SUPT5H: variants seen among roughly 807,000 people sequenced by gnomAD.
The protein encoded by SUPT5H is transcription elongation factor SPT5.
Under a neutral mutation model 142.5 loss-of-function variants are expected in SUPT5H, and 24 were observed. The ratio of observed to expected loss-of-function variants is 0.17; its 90% confidence interval spans 0.12 to 0.24. The LOEUF (loss-of-function observed/expected upper bound fraction) is 0.24, where lower values mean the gene tolerates loss of function less well. Ranked by LOEUF, SUPT5H falls within the 10% of genes least tolerant of loss-of-function variation. SUPT5H has a pLI of 1.00. For synonymous variants in SUPT5H, 546 were observed against 553.0 expected, an observed-to-expected ratio of 0.99 and a Z score of 0.18; for missense variants, 893 against 1,471.8, an observed-to-expected ratio of 0.61 and a Z score of 6.43.
chr19:39,474,815 T>G lies in SUPT5H; in HGVS notation c.3024+97T>G, dbSNP rs1398647534. The G allele has an allele frequency of 3.7e-6, 5 of 1,343,744 alleles. No individual in the cohort carries two copies. The East Asian group carries it at 1.0e-4, about 27-fold the overall frequency. The allele number at this position is 1,343,744 out of a possible 1,614,324, so 83.2% of individuals were successfully genotyped here. A position where few individuals can be genotyped will look rare whatever the true frequency, so the allele number is the denominator to read the frequency against. On this transcript the variant is annotated intron_variant, in intron 28 of 29. Coordinates refer to ENST00000432763, the MANE Select transcript of SUPT5H (RefSeq NM_001111020.3). The surrounding 1 kb of genome is among the most constrained non-coding windows in gnomAD (Gnocchi z 6.5). ...GTCCCCAGATGGTGACAGCCCAGAG[T>G]GGGCAGAGCTGGGATTGAGGAAGCC...
chr19:39,460,036 G>T, intron 10 of SUPT5H, 76 bp downstream of exon 10: 1 of 1,493,440 alleles, frequency 6.7e-7, no homozygotes, highest in Non-Finnish European at 9.3e-7. Context: ...AACTTCAGGG[G>T]TACCAGGTGC....
At chr19:39,449,456 T>C (rs918015100) in intron 2 of SUPT5H, among the ~76,000 whole-genome samples, 3 of 152,172 alleles carry the variant, frequency 2.0e-5, no homozygotes, top group African/African-American at 7.2e-5. Context: ...CTTCTGTGCT[T>C]GGCCTTGGGC....
chr19:39,468,720 C>A (rs1307364260), intron 13 of SUPT5H, 36 bp from the exon 14 acceptor site: 3 of 1,589,748 alleles, frequency 1.9e-6, no homozygotes, highest in Non-Finnish European at 2.6e-6. Context: ...CTTCTTGACT[C>A]TCCCTTCTAA....
chr19:39,471,419 C>T lies in SUPT5H; in HGVS notation c.1740C>T (p.Asp580=). 1 of 1,614,232 alleles carries T rather than the reference C, an allele frequency of 6.2e-7. No individual in the cohort carries two copies. The highest frequency in any genetic ancestry group is 8.5e-7 in the Non-Finnish European group (1 of 1,180,038). The change falls in exon 19 of 30, where the codon GAC becomes GAT. Residue 580 remains aspartate, a synonymous_variant. Transcript: ENST00000432763. ...VRHQAVTRKK[D]NRFAVALDSE... ...ATCAGGCTGTGACCCGGAAGAAGGA[C>T]AACCGCTTTGCTGTGGCCTTGGACT...
At chr19:39,463,890 T>C (rs2146106119) in intron 10 of SUPT5H, among the ~76,000 whole-genome samples, 1 of 152,342 alleles carries the variant, frequency 6.6e-6, no homozygotes, top group East Asian at 1.9e-4. Flanking sequence ...TTTTTATTGT[T>C]ACAAAATGTT....
Position 39,470,033 on chromosome 19 carries a change from A to G in SUPT5H, c.1375-86A>G, listed in dbSNP as rs1282373731. The G allele has an allele frequency of 1.4e-5, 22 of 1,525,156 alleles. No homozygotes were observed. The highest frequency in any genetic ancestry group is 1.8e-5 in the Non-Finnish European group (20 of 1,122,658). 94.5% of individuals were successfully genotyped at this position (1,525,156 alleles called of 1,614,324 possible). A position where few individuals can be genotyped will look rare whatever the true frequency, so the allele number is the denominator to read the frequency against. Reference sequence around the variant, plus strand: ...AGCCTGAAGTGGGGTTTTTGAGAACATGCGTAGATTCTGAAGACAGGAGGG... The same window carrying G: ...AGCCTGAAGTGGGGTTTTTGAGAACGTGCGTAGATTCTGAAGACAGGAGGG... On this transcript the variant is annotated intron_variant, in intron 16 of 29. Transcript: ENST00000432763. The surrounding 1 kb of genome is among the most constrained non-coding windows in gnomAD (Gnocchi z 5.8).
rs2079135105 is a variant in SUPT5H at position 39,459,609 on chromosome 19, G to A, written c.555+20G>A. ...TGTAAGGTATGTGCTCTGATCTCGG[G>A]GCTTGGAGGAGGTGGGAGAATGAGG... is the stretch of plus-strand genomic sequence containing the variant. On this transcript the variant is annotated intron_variant, in intron 9 of 29. Coordinates refer to ENST00000432763, the MANE Select transcript of SUPT5H (RefSeq NM_001111020.3). 10 of 1,613,666 alleles carry A rather than the reference G, an allele frequency of 6.2e-6. No homozygotes were observed. Among genetic ancestry groups the A allele is most frequent in the Non-Finnish European group, 7.6e-6 (9 of 1,179,848 alleles).
chr19:39,461,845 A>G (rs2079167437), intron 10 of SUPT5H, among the ~76,000 whole-genome samples: 2 of 149,638 alleles, frequency 1.3e-5, no homozygotes. Context: ...AAAAAATAAT[A>G]ATAATAATAA....
At position 39,474,987 on chromosome 19, in the gene SUPT5H, G is replaced by A. The variant is rs2079381969; in HGVS notation, c.3024+269G>A. 1.9e-6 allele frequency: 1 copy of A among 538,850 alleles called. No homozygotes were observed. The highest frequency in any genetic ancestry group is 3.3e-6 in the Non-Finnish European group (1 of 298,890). The allele number at this position is 538,850 out of a possible 1,614,324, so 33.4% of individuals were successfully genotyped here. On this transcript the variant is annotated intron_variant, in intron 28 of 29. Coordinates refer to ENST00000432763, the MANE Select transcript of SUPT5H (RefSeq NM_001111020.3). The surrounding 1 kb of genome is among the most constrained non-coding windows in gnomAD (Gnocchi z 6.5). ...AAGCTAAGGAAAGTGACTGGGGTGA[G>A]TGAGTTCCAAATGGAGGGAACTGCA...
At chr19:39,471,971 C>T in intron 20 of SUPT5H, 1 of 578,952 alleles carries the variant, frequency 1.7e-6, no homozygotes, top group Non-Finnish European at 2.9e-6. Flanking sequence ...ACTGGAGAAC[C>T]AGTGGTGAAC....
In SUPT5H at chr19:39,448,951, G is replaced by A. The variant is rs1284305761; in HGVS notation, c.75+2986G>A. The stretch of plus-strand genomic sequence containing the variant: ...TCTACTAAAAATACAAAAAATTAGC[G>A]TGGTGGTGGGTGCCTGTAGTCCCTG... On this transcript the variant is annotated intron_variant, in intron 2 of 29. Coordinates refer to ENST00000432763, the MANE Select transcript of SUPT5H (RefSeq NM_001111020.3). Among the ~76,000 whole-genome samples, 10 of 119,220 alleles carry A rather than the reference G, an allele frequency of 8.4e-5. 4 individuals carry two copies. In the South Asian group the frequency reaches 1.8e-3, roughly 21 times the overall value. 78.2% of individuals were successfully genotyped at this position (119,220 alleles called of 152,430 possible).
At position 39,474,723 on chromosome 19, in the gene SUPT5H, G is replaced by A. The variant is rs2079377586; in HGVS notation, c.3024+5G>A. On this transcript the variant is annotated splice_donor_5th_base_variant and intron_variant, in intron 28 of 29. Transcript: ENST00000432763. The surrounding 1 kb of genome is among the most constrained non-coding windows in gnomAD (Gnocchi z 6.5). Reference sequence around the variant, plus strand: ...GGTGTCATCCGCAGTGTCACGGTACGTGGGGCCCAGGGTGGTGGGTGAGCA... The same window carrying A: ...GGTGTCATCCGCAGTGTCACGGTACATGGGGCCCAGGGTGGTGGGTGAGCA... The A allele has an allele frequency of 1.2e-6, 2 of 1,605,924 alleles. No individual in the cohort carries two copies. The highest frequency in any genetic ancestry group is 1.3e-5 in the African/African-American group (1 of 74,634).
chr19:39,455,682 G>T (rs1045884234), intron 3 of SUPT5H, among the ~76,000 whole-genome samples: 2 of 150,720 alleles, frequency 1.3e-5, no homozygotes, highest in African/African-American at 2.4e-5. Context: ...GGGTGCAGTG[G>T]TGCAATCTCA....
chr19:39,474,765 TACCCCCTAA>T lies in SUPT5H; in HGVS notation c.3024+50_3024+58del, dbSNP rs930632229. 7.7e-6 allele frequency: 12 copies of T among 1,556,428 alleles called. No homozygotes were observed. Among genetic ancestry groups the T allele is most frequent in the African/African-American group, 1.4e-5 (1 of 73,330 alleles). Reference sequence around the variant, plus strand: ...GGGTGAGCAGGCATCCTCTCCTTGGTACCCCCTAAACTGGAGACAGACCTGTCCCCAGAT... The same window carrying T: ...GGGTGAGCAGGCATCCTCTCCTTGGTACTGGAGACAGACCTGTCCCCAGAT... On this transcript the variant is annotated intron_variant, in intron 28 of 29. Coordinates refer to ENST00000432763, the MANE Select transcript of SUPT5H (RefSeq NM_001111020.3). The surrounding 1 kb of genome is among the most constrained non-coding windows in gnomAD (Gnocchi z 6.5).
At chr19:39,459,835 T>C in intron 9 of SUPT5H, 57 bp from the exon 10 acceptor site, 2 of 1,582,680 alleles carry the variant, frequency 1.3e-6, no homozygotes, top group African/African-American at 2.7e-5. Context: ...CTTCCCCCTT[T>C]CCTGTGTCCT....
Position 39,458,910 on chromosome 19 carries a change from G to T in SUPT5H, c.389+23G>T. The T allele has an allele frequency of 6.2e-7, 1 of 1,613,884 alleles. No individual in the cohort carries two copies. The highest frequency in any genetic ancestry group is 8.5e-7 in the Non-Finnish European group (1 of 1,179,792). On this transcript the variant is annotated intron_variant, in intron 6 of 29. Transcript: ENST00000432763. The surrounding 1 kb of genome is among the most constrained non-coding windows in gnomAD (Gnocchi z 4.2). ...GAGGTGGGCAAGGAAGGGAAACGTGGTGGGATTGGCTCCTGTGGGGAGATT... is the reference window on the plus strand; with the variant it reads ...GAGGTGGGCAAGGAAGGGAAACGTGTTGGGATTGGCTCCTGTGGGGAGATT...
chr19:39,466,994 G>A lies in SUPT5H; in HGVS notation c.1037+249G>A, dbSNP rs561802381. On this transcript the variant is annotated intron_variant, in intron 13 of 29. Transcript: ENST00000432763. The surrounding 1 kb of genome is among the most constrained non-coding windows in gnomAD (Gnocchi z 4.3). ...GGCTAAGGCAGGAGGCTTGCTTGAG[G>A]CAAGGAGTTCGAGACCAGCCTGGGC... 20 of 506,974 alleles carry A rather than the reference G, an allele frequency of 3.9e-5. No homozygotes were observed. Among genetic ancestry groups the A allele is most frequent in the Non-Finnish European group, 6.3e-5 (18 of 284,228 alleles). The allele number at this position is 506,974 out of a possible 1,614,324, so 31.4% of individuals were successfully genotyped here.
Position 39,458,730 on chromosome 19 carries a change from C to A in SUPT5H, c.320-88C>A. On this transcript the variant is annotated intron_variant, in intron 5 of 29. Transcript: ENST00000432763. This position sits in a 1 kb window ranked among gnomAD's most constrained non-coding sequence, Gnocchi z 4.2. ...CATCTTCCTGCCCCAGGGCCAAACC[C>A]TGGCCCTCTTAGCTGCACGCTCCTA... 7.8e-7 allele frequency: 1 copy of A among 1,279,122 alleles called. No individual in the cohort carries two copies. The highest frequency in any genetic ancestry group is 1.4e-5 in the South Asian group (1 of 69,308). 79.2% of individuals were successfully genotyped at this position (1,279,122 alleles called of 1,614,324 possible). A position where few individuals can be genotyped will look rare whatever the true frequency, so the allele number is the denominator to read the frequency against.
chr19:39,471,244 T>C, intron 18 of SUPT5H, 113 bp from the exon 19 acceptor site: 1 of 1,316,238 alleles, frequency 7.6e-7, no homozygotes, highest in Non-Finnish European at 1.1e-6. Context: ...AGATGCCTTG[T>C]GGAGCTTGGG....
Sources: allele counts gnomAD v4.1 joint callset (sites outside exome capture counted in the v4.1 genomes callset), GRCh38; gene constraint gnomAD v4.1.1; non-coding constraint Gnocchi (gnomAD v3.1); transcripts MANE v1.5; gene names NCBI Gene and HGNC (gene_info 2026-07-23, HGNC 2026-07-21).